The following SEMA4G variants were observed in gnomAD, a reference collection of about 807,000 sequenced individuals.
The protein encoded by SEMA4G is semaphorin 4G.
SEMA4G carries 59 observed loss-of-function variants against 81.2 expected under a neutral mutation model. The ratio of observed to expected loss-of-function variants is 0.73; its 90% CI spans 0.59 to 0.90. The LOEUF (loss-of-function observed/expected upper bound fraction) is 0.90, where lower values mean the gene tolerates loss of function less well. Among genes scored for constraint, SEMA4G ranks in the 40% least tolerant of loss-of-function variants. The pLI is 0.00. For missense variants in SEMA4G, 952 were observed against 1,102.3 expected (o/e 0.86, Z 1.93); for synonymous variants, 404 against 433.9 (o/e 0.93, Z 0.86).
chr10:100,980,190 C>T lies in SEMA4G; in HGVS notation c.1197C>T (p.Asp399=), dbSNP rs765708793. 24 of 1,614,240 alleles carry T rather than the reference C, an allele frequency of 1.5e-5. 1 individual carries two copies. In the South Asian group the frequency reaches 2.6e-4, roughly 18 times the overall value. The change falls in exon 10 of 14, where the codon GAC becomes GAT. Residue 399 remains aspartate, a synonymous_variant. Coordinates refer to ENST00000370250, the Ensembl canonical transcript of SEMA4G. ...AAGACTTGCCATCCCTGGTCCTGGA[C>T]TTTGTAAAGTTGCACCCACTGATGG...
chr10:100,985,201 A>C, downstream of SEMA4G: 1 of 316,802 alleles, frequency 3.2e-6, no homozygotes, highest in African/African-American at 2.1e-5. Context: ...TGATGTCTCA[A>C]CTGGCACATG....
At chr10:100,971,116 A>ATG (rs10563529), upstream of SEMA4G, among the ~76,000 whole-genome samples, 827 of 151,412 alleles carry the variant, frequency 5.5e-3, 6 homozygotes, top group Middle Eastern at 0.014. Context: ...CCTTGTGAAC[A>ATG]TGTGTGTGTG....
downstream of SEMA4G, chr10:100,985,035 G>T: frequency 1.1e-6 from 1 of 940,172 alleles, no homozygotes; most frequent in Non-Finnish European, 1.5e-6. Flanking sequence ...TTAGTCCGTG[G>T]ACATTTCAGA....
At chr10:100,971,116 ATGTG>A (rs10563529), upstream of SEMA4G, among the ~76,000 whole-genome samples, 99 of 151,114 alleles carry the variant, frequency 6.6e-4, no homozygotes, top group East Asian at 5.3e-3. Flanking sequence ...CCTTGTGAAC[ATGTG>A]TGTGTGTGTG....
chr10:100,984,506 C>G (rs1238599331), exon 14 of SEMA4G: 1 of 1,535,716 alleles, frequency 6.5e-7, no homozygotes, highest in East Asian at 2.4e-5. Context: ...CTCTGCAGGT[C>G]CATATGGGCT....
At chr10:100,977,805 G>A in intron 4 of SEMA4G, 75 bp downstream of exon 5, 2 of 1,263,008 alleles carry the variant, frequency 1.6e-6, no homozygotes, top group African/African-American at 1.5e-5. Flanking sequence ...TGCCAAAGAA[G>A]AGACTCAGAG....
intron 13 of SEMA4G, among the ~76,000 whole-genome samples, chr10:100,982,684 C>G (rs1351685769): frequency 6.6e-6 from 1 of 152,216 alleles, no homozygotes; most frequent in African/African-American, 2.4e-5. Flanking sequence ...CCCAGCTACT[C>G]AGGAGCCAGA....
Position 100,973,717 on chromosome 10 carries a change from C to G in SEMA4G, c.336+108C>G. The G allele has an allele frequency of 1.1e-6, 1 of 938,484 alleles. No individual in the cohort carries two copies. The highest frequency in any genetic ancestry group is 1.6e-6 in the Non-Finnish European group (1 of 608,914). 58.1% of individuals were successfully genotyped at this position (938,484 alleles called of 1,614,324 possible). A position where few individuals can be genotyped will look rare whatever the true frequency, so the allele number is the denominator to read the frequency against. On this transcript the variant is annotated intron_variant, in intron 3 of 13. Coordinates refer to ENST00000370250, the Ensembl canonical transcript of SEMA4G. This position sits in a 1 kb window ranked among gnomAD's most constrained non-coding sequence, Gnocchi z 5.5. ...GGTAGGTACAGACCTGCCAGTCAAT[C>G]TCAGCAACCACAGTAAACATTGTAA...
At chr10:100,984,836 CTG>C in exon 14 of SEMA4G, 1 of 1,512,966 alleles carries the variant, frequency 6.6e-7, no homozygotes, top group Non-Finnish European at 8.8e-7. Context: ...CTCTCCCTTC[CTG>C]TGTGGCCCTT....
chr10:100,981,384 C>T lies in SEMA4G; in HGVS notation c.1690+155C>T, dbSNP rs1851064566. The T allele has an allele frequency of 1.9e-6, 3 of 1,610,928 alleles. No individual in the cohort carries two copies. The African/African-American group carries it at 4.0e-5, about 22-fold the overall frequency. On this transcript the variant is annotated intron_variant, in intron 13 of 13. Coordinates refer to ENST00000370250, the Ensembl canonical transcript of SEMA4G. ...CAGAGCCTGGCACAGAGTAAGTGCT[C>T]AACAAACATTTACTGCCCAAATGAA...
intron 3 of SEMA4G, 38 bp from the exon 5 acceptor site, chr10:100,977,594 G>A (rs1850855974): frequency 1.9e-6 from 3 of 1,538,598 alleles, no homozygotes; most frequent in Non-Finnish European, 2.7e-6. Context: ...CTTCTAGTCA[G>A]GCAGGGGGCT....
upstream of SEMA4G, chr10:100,969,753 CGG>C: frequency 2.4e-6 from 1 of 419,956 alleles, no homozygotes; most frequent in Non-Finnish European, 4.9e-6. Flanking sequence ...TAGAGGGGCG[CGG>C]GCCAGGCCTC....
Position 100,977,526 on chromosome 10 carries a change from C to A in SEMA4G, c.337-106C>A, listed in dbSNP as rs371851497. ...GGATCACAGGTATCTTGGAAAGAAC[C>A]GTTTGTCCTGTGGGTGGGGGCAAGA... On this transcript the variant is annotated intron_variant, in intron 3 of 13. Coordinates refer to ENST00000370250, the Ensembl canonical transcript of SEMA4G. 85 of 828,020 alleles carry A rather than the reference C, an allele frequency of 1.0e-4. 1 individual carries two copies. The highest frequency in any genetic ancestry group is 9.5e-4 in the East Asian group (39 of 41,130). The allele number at this position is 828,020 out of a possible 1,614,324, so 51.3% of individuals were successfully genotyped here.
chr10:100,978,858 T>C, exon 7 of SEMA4G: 2 of 1,613,876 alleles, frequency 1.2e-6, no homozygotes, highest in East Asian at 2.2e-5. Flanking sequence ...GATGCGGAGT[T>C]TGTGTTCTCC....
upstream of SEMA4G, among the ~76,000 whole-genome samples, chr10:100,970,354 C>A (rs948458912): frequency 2.6e-5 from 4 of 152,082 alleles, no homozygotes; most frequent in Non-Finnish European, 5.9e-5. Context: ...AGCTCCAGCC[C>A]GTCTCCCACC....
exon 14 of SEMA4G, chr10:100,983,394 T>C: frequency 6.2e-7 from 1 of 1,611,704 alleles, no homozygotes; most frequent in Non-Finnish European, 8.5e-7. Context: ...GGCCCGGGCC[T>C]TGTGGCTACT....
chr10:100,980,802 C>G lies in SEMA4G; in HGVS notation c.1468-20C>G, dbSNP rs1175319928. Reference sequence around the variant, plus strand: ...TATGAGTGGGGACGCTGCCGACCAACTGTCCTATCTGGCTCCCAGCACAGC... The same window carrying G: ...TATGAGTGGGGACGCTGCCGACCAAGTGTCCTATCTGGCTCCCAGCACAGC... On this transcript the variant is annotated intron_variant, in intron 11 of 13. Transcript: ENST00000370250. 2.6e-6 allele frequency: 4 copies of G among 1,533,434 alleles called. No homozygotes were observed. Among genetic ancestry groups the G allele is most frequent in the Non-Finnish European group, 3.5e-6 (4 of 1,145,132 alleles). The allele number at this position is 1,533,434 out of a possible 1,614,324, so 95.0% of individuals were successfully genotyped here. A position where few individuals can be genotyped will look rare whatever the true frequency, so the allele number is the denominator to read the frequency against.
chr10:100,984,159 C>A, exon 14 of SEMA4G: 1 of 1,578,514 alleles, frequency 6.3e-7, no homozygotes, highest in South Asian at 1.2e-5. Context: ...AAATGCTCTT[C>A]CAAGCCAGCC....
At chr10:100,972,878 T>C (rs1250557337) in exon 1 of SEMA4G, 2 of 1,584,356 alleles carry the variant, frequency 1.3e-6, no homozygotes, top group East Asian at 4.5e-5. Flanking sequence ...CTGGCTCCCT[T>C]TGGGGGTCTT....
Sources: allele counts gnomAD v4.1 joint callset (sites outside exome capture counted in the v4.1 genomes callset), GRCh38; gene constraint gnomAD v4.1.1; non-coding constraint Gnocchi (gnomAD v3.1); transcripts MANE v1.5; gene names NCBI Gene and HGNC (gene_info 2026-07-23, HGNC 2026-07-21).